Variants in LRRC4C observed in about 807,000 individuals in gnomAD.
LRRC4C encodes leucine rich repeat containing 4C.
A neutral mutation model predicts 33.6 loss-of-function variants in LRRC4C; 5 were observed. The ratio of observed to expected loss-of-function variants is 0.15; its 90% CI spans 0.08 to 0.31. The LOEUF (loss-of-function observed/expected upper bound fraction) is 0.31. Ranked by LOEUF, LRRC4C falls within the 10% of genes least tolerant of loss-of-function variation. The probability of loss-of-function intolerance (pLI) is 1.00; values close to 1 mark genes in which losing one functional copy is unlikely to be tolerated. For synonymous variants in LRRC4C, 329 were observed against 302.0 expected (o/e 1.09, Z -0.93); for missense variants, 560 against 796.7 (o/e 0.70, Z 3.58).
At chr11:41,188,914 A>C (rs1013201889) in intron 1 of LRRC4C, among the ~76,000 whole-genome samples, 87 of 97,718 alleles carry the variant, frequency 8.9e-4, no homozygotes, top group East Asian at 5.9e-3. Context: ...CCCCCCCCCA[A>C]AAAAAAGTAT....
chr11:40,939,085 C>T (rs943497017), intron 1 of LRRC4C, among the ~76,000 whole-genome samples: 1 of 152,124 alleles, frequency 6.6e-6, no homozygotes, highest in South Asian at 2.1e-4. Flanking sequence ...TGTGATGATA[C>T]ATATGTCCAT....
chr11:40,497,463 T>A (rs906915124), intron 3 of LRRC4C, among the ~76,000 whole-genome samples: 1 of 152,086 alleles, frequency 6.6e-6, no homozygotes, highest in Non-Finnish European at 1.5e-5. Flanking sequence ...AGCACATCGT[T>A]TTCATGGATA....
At chr11:41,441,464 A>G (rs1318059524) in intron 1 of LRRC4C, among the ~76,000 whole-genome samples, 2 of 145,132 alleles carry the variant, frequency 1.4e-5, no homozygotes, top group Non-Finnish European at 3.0e-5. Flanking sequence ...TTTATCAGCC[A>G]CCCCAAAGTT....
At chr11:40,316,625 C>T (rs778739876) in intron 4 of LRRC4C, among the ~76,000 whole-genome samples, 17 of 151,960 alleles carry the variant, frequency 1.1e-4, no homozygotes, top group Non-Finnish European at 2.4e-4. Flanking sequence ...GATCTCTAGG[C>T]GTTTAATAAA....
chr11:41,259,652 A>C (rs893485353), intron 1 of LRRC4C, among the ~76,000 whole-genome samples: 1 of 152,016 alleles, frequency 6.6e-6, no homozygotes, highest in Admixed American at 6.6e-5. Context: ...TGTCTGATTT[A>C]TGAAGTATGG....
intron 4 of LRRC4C, among the ~76,000 whole-genome samples, chr11:40,257,681 C>T (rs1457386317): frequency 1.3e-5 from 2 of 152,142 alleles, no homozygotes; most frequent in Non-Finnish European, 2.9e-5. Context: ...GTTTTCCCTA[C>T]TTTTAAAAGA....
chr11:40,161,264 A>T (rs979089520), intron 5 of LRRC4C, among the ~76,000 whole-genome samples: 3 of 152,190 alleles, frequency 2.0e-5, no homozygotes, highest in Non-Finnish European at 2.9e-5. Context: ...CTCTCTGGCC[A>T]TGCTTTACAT....
At chr11:40,997,498 G>A (rs1854067757) in intron 1 of LRRC4C, among the ~76,000 whole-genome samples, 1 of 152,078 alleles carries the variant, frequency 6.6e-6, no homozygotes, top group Admixed American at 6.6e-5. Flanking sequence ...GATTAATAGG[G>A]ATAGAAATCA....
At chr11:41,214,798 T>A (rs1479926247) in intron 1 of LRRC4C, among the ~76,000 whole-genome samples, 1 of 145,990 alleles carries the variant, frequency 6.8e-6, no homozygotes, top group Non-Finnish European at 1.5e-5. Flanking sequence ...TATGTGTGTA[T>A]ATATATGTGT....
chr11:40,284,981 C>T (rs1943735299), intron 4 of LRRC4C, among the ~76,000 whole-genome samples: 1 of 152,096 alleles, frequency 6.6e-6, no homozygotes, highest in Admixed American at 6.5e-5. Context: ...TTCGGGCATC[C>T]ACTGGGGATC....
At position 40,114,658 on chromosome 11, in the gene LRRC4C, G is replaced by A. The variant is rs761007652; in HGVS notation, c.1635C>T (p.Val545=). 6.2e-7 allele frequency: 1 copy of A among 1,614,130 alleles called. No homozygotes were observed. The highest frequency in any genetic ancestry group is 8.5e-7 in the Non-Finnish European group (1 of 1,180,032). ...AITLMAAVML[V]IFYKMRKQHH... ...GCTGCTTCCTCATCTTGTAGAAAAT[G>A]ACCAGCATCACTGCAGCCATGAGTG... The change falls in exon 7 of 7, where the codon GTC becomes GTT. Residue 545 remains valine, a synonymous_variant. Coordinates refer to ENST00000528697, the MANE Select transcript of LRRC4C (RefSeq NM_001258419.2).
chr11:40,542,038 T>TTC (rs1468233845), intron 3 of LRRC4C, among the ~76,000 whole-genome samples: 8 of 129,208 alleles, frequency 6.2e-5, no homozygotes, highest in Non-Finnish European at 1.0e-4. Flanking sequence ...CTCTTTCTCT[T>TTC]TCTTTCTCTT....
intron 1 of LRRC4C, among the ~76,000 whole-genome samples, chr11:41,095,386 AAACTGTATT>A (rs1333431584): frequency 6.6e-6 from 1 of 152,164 alleles, no homozygotes; most frequent in Non-Finnish European, 1.5e-5. Flanking sequence ...ACACAGAGTC[AAACTGTATT>A]AGGAGGGGTA....
At chr11:41,010,606 G>C (rs1855100894) in intron 1 of LRRC4C, among the ~76,000 whole-genome samples, 1 of 152,162 alleles carries the variant, frequency 6.6e-6, no homozygotes, top group Non-Finnish European at 1.5e-5. Flanking sequence ...TCCAAAAGAG[G>C]CTTAACTACT....
At chr11:40,671,149 C>T (rs77792231) in intron 2 of LRRC4C, among the ~76,000 whole-genome samples, 27 of 152,290 alleles carry the variant, frequency 1.8e-4, no homozygotes, top group African/African-American at 6.3e-4. Context: ...TCTATACTTA[C>T]ACCTACAACT....
At chr11:41,159,060 A>T (rs1376523551) in intron 1 of LRRC4C, among the ~76,000 whole-genome samples, 1 of 152,102 alleles carries the variant, frequency 6.6e-6, no homozygotes, top group Non-Finnish European at 1.5e-5. Context: ...TGAGGCAGAA[A>T]TGTTGCTTGA....
At chr11:40,186,115 T>G (rs2135558887) in intron 5 of LRRC4C, among the ~76,000 whole-genome samples, 2 of 152,350 alleles carry the variant, frequency 1.3e-5, no homozygotes, top group Middle Eastern at 6.8e-3. Flanking sequence ...TTCACTATTC[T>G]AGACTCTGGT....
intron 3 of LRRC4C, among the ~76,000 whole-genome samples, chr11:40,335,417 G>A (rs1330675881): frequency 6.6e-6 from 1 of 151,956 alleles, no homozygotes; most frequent in Non-Finnish European, 1.5e-5. Context: ...CTTATCAAAG[G>A]GCTTTTCTAA....
chr11:41,210,365 C>A (rs1279237467), intron 1 of LRRC4C, among the ~76,000 whole-genome samples: 1 of 152,156 alleles, frequency 6.6e-6, no homozygotes, highest in Non-Finnish European at 1.5e-5. Context: ...CTCGCGAGAT[C>A]TGATGGTTTT....
Sources: gnomAD v4.1 joint callset for allele counts (sites outside exome capture counted in the v4.1 genomes callset) on GRCh38, gnomAD v4.1.1 for gene constraint, MANE v1.5 for transcripts, NCBI Gene and HGNC (gene_info 2026-07-23, HGNC 2026-07-21) for gene names.